The following DOP1B variants were observed in gnomAD, a reference collection of about 807,000 sequenced individuals.
DOP1B encodes the protein protein DOP1B.
A neutral mutation model predicts 233.5 loss-of-function variants in DOP1B; 174 were observed. The ratio of observed to expected loss-of-function variants is 0.75; its 90% CI spans 0.66 to 0.85. DOP1B has a LOEUF of 0.85. Among genes scored for constraint, DOP1B ranks in the 40% least tolerant of loss-of-function variants. DOP1B has a pLI of 0.00. For synonymous variants in DOP1B, 1,190 were observed against 1,185.6 expected, an observed-to-expected ratio of 1.00 and a Z score of -0.08; for missense variants, 2,652 against 2,846.6, an observed-to-expected ratio of 0.93 and a Z score of 1.56.
At chr21:36,230,302 A>G (rs1169248756) in intron 13 of DOP1B, 148 bp from the exon 14 acceptor site, 1 of 1,070,826 alleles carries the variant, frequency 9.3e-7, no homozygotes, top group Non-Finnish European at 1.3e-6. Flanking sequence ...TGCCTCCTAA[A>G]TTTCATTATA....
intron 2 of DOP1B, among the ~76,000 whole-genome samples, chr21:36,184,852 G>T (rs1280650187): frequency 6.6e-6 from 1 of 152,250 alleles, no homozygotes; most frequent in East Asian, 1.9e-4. Flanking sequence ...ATCTGCTGTA[G>T]CGCTGAGGGT....
intron 1 of DOP1B, among the ~76,000 whole-genome samples, chr21:36,158,304 T>C (rs183593886): frequency 6.6e-6 from 1 of 152,288 alleles, no homozygotes; most frequent in African/African-American, 2.4e-5. Context: ...TGCAAGATCA[T>C]TGGCAAAAGA....
chr21:36,248,600 A>G (rs774444905), intron 21 of DOP1B, 32 bp downstream of exon 21: 2 of 1,579,706 alleles, frequency 1.3e-6, no homozygotes, highest in East Asian at 4.5e-5. Flanking sequence ...TCTGTCATTT[A>G]CTTGGTCTTG....
chr21:36,275,068 C>G (rs1399562140), intron 27 of DOP1B, among the ~76,000 whole-genome samples: 1 of 151,998 alleles, frequency 6.6e-6, no homozygotes. Context: ...TGGTCTCGAA[C>G]TCCTGACCTC....
chr21:36,161,824 T>C (rs985408464), intron 1 of DOP1B, among the ~76,000 whole-genome samples: 1 of 152,226 alleles, frequency 6.6e-6, no homozygotes, highest in African/African-American at 2.4e-5. Flanking sequence ...TAGATTTGCC[T>C]GTGGAGGGCA....
intron 15 of DOP1B, among the ~76,000 whole-genome samples, chr21:36,236,976 G>A (rs532604235): frequency 6.6e-6 from 1 of 151,900 alleles, no homozygotes; most frequent in South Asian, 2.1e-4. Flanking sequence ...GTAGAGTTGG[G>A]GTTTTGCCAT....
intron 32 of DOP1B, among the ~76,000 whole-genome samples, chr21:36,286,533 A>G (rs12329750): frequency 0.46 from 69,630 of 151,308 alleles, 16,432 homozygotes; most frequent in African/African-American, 0.56. Context: ...CTACTCGGGA[A>G]GCTGAGGCAT....
intron 27 of DOP1B, among the ~76,000 whole-genome samples, chr21:36,271,246 GTCACCCAGGTTGGAGT>G (rs748655823): frequency 0.17 from 21,681 of 125,052 alleles, 1,965 homozygotes; most frequent in African/African-American, 0.27. Flanking sequence ...GTCTCGCTCT[GTCACCCAGGTTGGAGT>G]TCACCCAGGT....
At chr21:36,229,393 C>T (rs532172372) in intron 13 of DOP1B, among the ~76,000 whole-genome samples, 1 of 152,248 alleles carries the variant, frequency 6.6e-6, no homozygotes, top group African/African-American at 2.4e-5. Context: ...CTCGGCTTGT[C>T]CAGGCATCAG....
rs1295771407 is a variant in DOP1B at position 36,246,474 on chromosome 21, T to C, written c.4494T>C (p.Leu1498=). 6.2e-7 allele frequency: 1 copy of C among 1,614,070 alleles called. No homozygotes were observed. The highest frequency in any genetic ancestry group is 8.5e-7 in the Non-Finnish European group (1 of 1,180,014). The change falls in exon 19 of 37, where the codon CTT becomes CTC. Residue 1498 remains leucine (L), a synonymous_variant. Coordinates refer to ENST00000691173, the MANE Select transcript of DOP1B (RefSeq NM_001320714.2). The surrounding 1 kb of genome is among the most constrained non-coding windows in gnomAD (Gnocchi z 5.1). ...CCCACCCCCTCACCTCCCAGGGTCT[T>C]CTGGTCTCTGCGGTGGTGAGGGGTC... The part of the protein sequence containing the change: ...VQPHPLTSQG[L]LVSAVVRGLQ...
At chr21:36,166,036 C>CTAATA (rs2065908564) in intron 2 of DOP1B, among the ~76,000 whole-genome samples, 1 of 150,238 alleles carries the variant, frequency 6.7e-6, no homozygotes, top group Non-Finnish European at 1.5e-5. Context: ...GAGAATCTAA[C>CTAATA]TAATACCTGA....
chr21:36,194,259 A>G (rs2066263566), intron 2 of DOP1B, among the ~76,000 whole-genome samples: 1 of 152,212 alleles, frequency 6.6e-6, no homozygotes, highest in South Asian at 2.1e-4. Context: ...CTGTCTGGCC[A>G]AATCTAGACC....
intron 15 of DOP1B, among the ~76,000 whole-genome samples, chr21:36,236,813 A>T (rs181877651): frequency 8.9e-6 from 1 of 112,156 alleles, no homozygotes; most frequent in East Asian, 2.6e-4. Context: ...GTCTCACTCT[A>T]TTGCCCAGGC....
At chr21:36,190,758 A>G (rs1601397594) in intron 2 of DOP1B, among the ~76,000 whole-genome samples, 2 of 152,198 alleles carry the variant, frequency 1.3e-5, no homozygotes, top group South Asian at 4.1e-4. Flanking sequence ...TTCTCATATG[A>G]TACGTATATT....
rs144551122 is a variant in DOP1B at position 36,245,216 on chromosome 21, C to A, written c.3236C>A (p.Pro1079Gln). 1.9e-4 allele frequency: 306 copies of A among 1,614,096 alleles called. 3 individuals are homozygous for A. The South Asian group carries it at 2.4e-3, about 12-fold the overall frequency. ...AEVEKEPEKY[P>Q]LRGELSEEEL... ...GTGGAGAAGGAGCCCGAGAAGTACC[C>A]GCTGCGAGGCGAGCTGAGCGAGGAA... The change falls in exon 19 of 37, where the codon CCG (proline) becomes CAG (glutamine). Residue 1079 changes from proline (P) to glutamine (Q), a missense_variant. This residue lies in a region of DOP1B where 2,617 missense variants were observed against 2,794.3 expected (regional missense o/e 0.94). Transcript: ENST00000691173. The surrounding 1 kb of genome is among the most constrained non-coding windows in gnomAD (Gnocchi z 5.5).
chr21:36,232,578 A>C lies in DOP1B; in HGVS notation c.2351-226A>C, dbSNP rs563977508. On this transcript the variant is annotated intron_variant, in intron 14 of 36. Transcript: ENST00000691173. ...GACATGTCCCTCTTACAAGGACACC[A>C]GTCATATTGGATTAGGGCCCACCCT... Among the ~76,000 whole-genome samples the C allele has an allele frequency of 3.3e-5, 5 of 152,264 alleles. No individual in the cohort carries two copies. The East Asian group carries it at 9.6e-4, about 29-fold the overall frequency.
chr21:36,181,571 G>A (rs981912451), intron 2 of DOP1B, among the ~76,000 whole-genome samples: 2 of 152,136 alleles, frequency 1.3e-5, no homozygotes, highest in African/African-American at 4.8e-5. Context: ...GAGCCACCAC[G>A]CCCGGCCCAG....
At chr21:36,289,315 G>T (rs970198610) in intron 35 of DOP1B, 109 bp downstream of exon 35, 13 of 1,159,034 alleles carry the variant, frequency 1.1e-5, no homozygotes, top group Middle Eastern at 2.2e-4. Context: ...CCACCATCTG[G>T]GTTTCTAGTG....
rs942237874 is a variant in DOP1B, at chr21:36,226,270, C to T, written c.1473+603C>T. On this transcript the variant is annotated intron_variant, in intron 12 of 36. Transcript: ENST00000691173. ...CTCAAACAAAAACAATAGAAATGTTCTTTTCTTTTCTCTGTCTCTCTCTCT... is the reference window on the plus strand; with the variant it reads ...CTCAAACAAAAACAATAGAAATGTTTTTTTCTTTTCTCTGTCTCTCTCTCT... Among the ~76,000 whole-genome samples, 7 of 151,572 alleles carry T rather than the reference C, an allele frequency of 4.6e-5. No homozygotes were observed. The East Asian group carries it at 1.4e-3, about 29-fold the overall frequency.
Sources: allele counts gnomAD v4.1 joint callset (sites outside exome capture counted in the v4.1 genomes callset), GRCh38; gene constraint gnomAD v4.1.1; regional missense constraint gnomAD v4.1.1; non-coding constraint Gnocchi (gnomAD v3.1); transcripts MANE v1.5; gene names NCBI Gene and HGNC (gene_info 2026-07-23, HGNC 2026-07-21).